Variants in ADPRH observed in about 807,000 individuals in gnomAD.
ADPRH encodes ADP-ribose-L-arginine cleaving enzyme.
A neutral mutation model predicts 28.8 loss-of-function variants in ADPRH; 27 were observed. The ratio of observed to expected loss-of-function variants is 0.94; its 90% CI spans 0.69 to 1.29. The LOEUF is 1.29. Ranked by LOEUF, ADPRH falls within the 50% of genes most tolerant of loss-of-function variation. The pLI, the probability that ADPRH is intolerant of heterozygous loss-of-function variation, is 0.00. For synonymous variants in ADPRH, 161 were observed against 166.9 expected (o/e 0.96, Z 0.27); for missense variants, 419 against 444.8 (o/e 0.94, Z 0.52).
In ADPRH at chr3:119,586,553, G is replaced by A; in HGVS notation, c.567G>A (p.Leu189=). ...TAYAVNSRPP[L]QWGKGLMELL... is the part of the protein sequence containing the mutation. The stretch of plus-strand genomic sequence containing the variant: ...ATGCTGTGAATAGCAGACCACCCTT[G>A]CAGTGGGGAAAAGGACTGATGGAGC... The change falls in exon 4 of 5, where the codon TTG becomes TTA. Residue 189 remains leucine, a synonymous_variant. Transcript: ENST00000357003. 6.2e-7 allele frequency: 1 copy of A among 1,614,152 alleles called. No homozygotes were observed.
chr3:119,583,782 AT>A (rs546565439), intron 3 of ADPRH, among the ~76,000 whole-genome samples: 50 of 146,352 alleles, frequency 3.4e-4, no homozygotes, highest in Middle Eastern at 3.6e-3. Context: ...TTAAAAAAAA[AT>A]TTTTTTTTTT....
At chr3:119,581,374 A>T (rs2082403956) in intron 2 of ADPRH, among the ~76,000 whole-genome samples, 1 of 152,168 alleles carries the variant, frequency 6.6e-6, no homozygotes, top group East Asian at 1.9e-4. Flanking sequence ...AGCCAACTTT[A>T]TGAAATTTAA....
chr3:119,586,087 G>A (rs550770298), intron 3 of ADPRH, among the ~76,000 whole-genome samples, 198 bp from the exon 4 acceptor site: 1 of 152,282 alleles, frequency 6.6e-6, no homozygotes, highest in African/African-American at 2.4e-5. Context: ...GCCTTTATTA[G>A]CGTTATCTTG....
At chr3:119,585,555 G>T (rs575762335) in intron 3 of ADPRH, among the ~76,000 whole-genome samples, 1 of 151,984 alleles carries the variant, frequency 6.6e-6, no homozygotes, top group South Asian at 2.1e-4. Context: ...TTTGTTTTTT[G>T]GTTTTTTGTT....
chr3:119,588,314 G>T lies in ADPRH; in HGVS notation c.*436G>T, dbSNP rs557903744. 1 of 154,460 alleles carries T rather than the reference G, an allele frequency of 6.5e-6. No individual in the cohort carries two copies. The highest frequency in any genetic ancestry group is 6.5e-5 in the Admixed American group (1 of 15,362). 9.6% of individuals were successfully genotyped at this position (154,460 alleles called of 1,614,324 possible). On this transcript the variant is annotated 3_prime_UTR_variant, in exon 5 of 5. Transcript: ENST00000357003. ...GGGAAATGAAACCAGGAAGGGAAGA[G>T]AGCTAGTATGGGGTATGTTAATGAG...
Position 119,587,715 on chromosome 3 carries a change from A to AT in ADPRH, c.913dup (p.Ser305PhefsTer17), listed in dbSNP as rs2082477528. 6 of 1,614,068 alleles carry AT rather than the reference A, an allele frequency of 3.7e-6. No individual in the cohort carries two copies. The highest frequency in any genetic ancestry group is 5.1e-6 in the Non-Finnish European group (6 of 1,180,040). On this transcript the variant is annotated frameshift_variant, in exon 5 of 5. Transcript: ENST00000357003. LOFTEE classifies it high-confidence loss of function. ...GCCTTTTTCCATGGTGGAGACAGTG[A>AT]TTCTACAGCTGCCATTGCTGGCTGC...
chr3:119,582,028 A>G, intron 2 of ADPRH, 106 bp from the exon 3 acceptor site: 1 of 842,108 alleles, frequency 1.2e-6, no homozygotes, highest in Middle Eastern at 3.6e-4. Context: ...CACTGATACA[A>G]TGTCTGCAAG....
At chr3:119,586,178 C>T (rs949636795) in intron 3 of ADPRH, 107 bp from the exon 4 acceptor site, 28 of 1,530,592 alleles carry the variant, frequency 1.8e-5, no homozygotes, top group Admixed American at 9.9e-5. Flanking sequence ...TTTTTTGGCT[C>T]TCCCTTTCCA....
At chr3:119,584,140 C>T (rs1202965509) in intron 3 of ADPRH, among the ~76,000 whole-genome samples, 1 of 151,966 alleles carries the variant, frequency 6.6e-6, no homozygotes, top group African/African-American at 2.4e-5. Context: ...TCTTGAAGAA[C>T]ATGTACAAAG....
Position 119,586,246 on chromosome 3 carries a change from GTTATGCTAACCCCCATCCC to G in ADPRH, c.299-34_299-16del. 6.2e-7 allele frequency: 1 copy of G among 1,605,958 alleles called. No homozygotes were observed. Among genetic ancestry groups the G allele is most frequent in the South Asian group, 1.1e-5 (1 of 90,718 alleles). The stretch of plus-strand genomic sequence containing the variant: ...TATTCCTGCTGGGGCCTTTGCTTTG[GTTATGCTAACCCCCATCCC>G]TTATCCGACTCTTCCCCAGGTGGTG... On this transcript the variant is annotated intron_variant, in intron 3 of 4. Coordinates refer to ENST00000357003, the MANE Select transcript of ADPRH (RefSeq NM_001125.4).
chr3:119,584,295 G>A (rs1284953953), intron 3 of ADPRH, among the ~76,000 whole-genome samples: 1 of 151,840 alleles, frequency 6.6e-6, no homozygotes, highest in Admixed American at 6.6e-5. Flanking sequence ...AGGCATGGTG[G>A]CTCATGCCTG....
intron 2 of ADPRH, among the ~76,000 whole-genome samples, chr3:119,581,089 A>ATT (rs1436595539): frequency 1.5e-5 from 2 of 130,064 alleles, no homozygotes; most frequent in African/African-American, 6.2e-5. Context: ...TTTTTTTGAG[A>ATT]CAGAGTCTTG....
chr3:119,584,603 C>T (rs1385983718), intron 3 of ADPRH, among the ~76,000 whole-genome samples: 1 of 152,150 alleles, frequency 6.6e-6, no homozygotes, highest in East Asian at 1.9e-4. Flanking sequence ...GACTTCTGGC[C>T]ACAGGTTCGC....
chr3:119,582,103 C>T, intron 2 of ADPRH, 31 bp from the exon 3 acceptor site: 1 of 1,417,800 alleles, frequency 7.1e-7, no homozygotes, highest in Non-Finnish European at 9.5e-7. Context: ...GCTCCTCATC[C>T]TATTTCCTTT....
intron 3 of ADPRH, among the ~76,000 whole-genome samples, chr3:119,585,455 C>T (rs1388473000): frequency 1.3e-5 from 2 of 152,210 alleles, no homozygotes; most frequent in African/African-American, 2.4e-5. Context: ...ATCCACTGCT[C>T]CTCATCTGAG....
At chr3:119,585,212 AC>A (rs1160357887) in intron 3 of ADPRH, among the ~76,000 whole-genome samples, 1 of 152,274 alleles carries the variant, frequency 6.6e-6, no homozygotes, top group Admixed American at 6.5e-5. Flanking sequence ...GCAAGTGGAA[AC>A]TTTTTTTTGT....
In ADPRH at chr3:119,588,276, C is replaced by T. The variant is rs113544957; in HGVS notation, c.*398C>T. 0.033 allele frequency: 5,236 copies of T among 156,462 alleles called. 291 individuals carry two copies. Among genetic ancestry groups the T allele is most frequent in the African/African-American group, 0.12 (4,968 of 41,632 alleles). 9.7% of individuals were successfully genotyped at this position (156,462 alleles called of 1,614,324 possible). On this transcript the variant is annotated 3_prime_UTR_variant, in exon 5 of 5. Transcript: ENST00000357003. ...TATGGGAGATGATTCCAGGAAATAC[C>T]GATATGAGAATGGGGAAATGAAACC...
Position 119,581,053 on chromosome 3 carries a change from C to T in ADPRH, c.-37+417C>T, listed in dbSNP as rs887180273. 2.7e-5 allele frequency among the ~76,000 whole-genome samples: 4 copies of T among 150,000 alleles called. No homozygotes were observed. In the South Asian group the frequency reaches 8.4e-4, roughly 32 times the overall value. On this transcript the variant is annotated intron_variant, in intron 2 of 4. Coordinates refer to ENST00000357003, the MANE Select transcript of ADPRH (RefSeq NM_001125.4). The stretch of plus-strand genomic sequence containing the variant: ...AAAATCAAGCTTACTATGTGCCAAG[C>T]ACTCTAAGAACTTTTTTTTTTTTTT...
intron 3 of ADPRH, among the ~76,000 whole-genome samples, chr3:119,583,488 GATTT>G (rs1487981673): frequency 1.3e-5 from 2 of 152,012 alleles, no homozygotes; most frequent in African/African-American, 2.4e-5. Context: ...GTATATAATT[GATTT>G]GTCAATTTAA....
Sources: allele counts gnomAD v4.1 joint callset (sites outside exome capture counted in the v4.1 genomes callset), GRCh38; gene constraint gnomAD v4.1.1; transcripts MANE v1.5; gene names NCBI Gene and HGNC (gene_info 2026-07-23, HGNC 2026-07-21).